Variants in HPSE2 observed in about 807,000 individuals in gnomAD.
HPSE2 encodes inactive heparanase-2.
Under a neutral mutation model 60.5 loss-of-function variants are expected in HPSE2, and 38 were observed. That is an observed-to-expected ratio of 0.63 (90% CI 0.48 to 0.82). The LOEUF (loss-of-function observed/expected upper bound fraction) is 0.82. Among genes scored for constraint, HPSE2 ranks in the 40% least tolerant of loss-of-function variants. HPSE2 has a pLI of 0.00. For missense variants in HPSE2, 713 were observed against 740.4 expected (o/e 0.96, Z 0.43); for synonymous variants, 295 against 293.2 (o/e 1.01, Z -0.06).
chr10:99,174,535 G>A (rs1321975928), intron 2 of HPSE2, among the ~76,000 whole-genome samples: 1 of 152,166 alleles, frequency 6.6e-6, no homozygotes, highest in Non-Finnish European at 1.5e-5. Flanking sequence ...ATCAATACTT[G>A]AGATCAGCCA....
chr10:99,136,785 T>C (rs546922808), intron 3 of HPSE2, among the ~76,000 whole-genome samples: 2 of 152,144 alleles, frequency 1.3e-5, no homozygotes, highest in Non-Finnish European at 2.9e-5. Flanking sequence ...ACCAATATCA[T>C]ACTGAATGGG....
intron 9 of HPSE2, among the ~76,000 whole-genome samples, chr10:98,497,195 G>A (rs11189635): frequency 0.33 from 50,202 of 151,906 alleles, 8,415 homozygotes; most frequent in East Asian, 0.42. Context: ...ATGTCATCAA[G>A]AGGTTCTTGG....
At chr10:98,485,242 T>C (rs910486403) in intron 10 of HPSE2, among the ~76,000 whole-genome samples, 3 of 152,220 alleles carry the variant, frequency 2.0e-5, no homozygotes, top group Admixed American at 6.5e-5. Flanking sequence ...TTCTGGGATA[T>C]TTGGCAGATG....
intron 3 of HPSE2, among the ~76,000 whole-genome samples, chr10:98,764,872 A>C (rs1048604661): frequency 6.6e-6 from 1 of 152,144 alleles, no homozygotes; most frequent in Non-Finnish European, 1.5e-5. Context: ...GTCATAAAAA[A>C]CAAACAAACA....
At chr10:98,486,008 G>A (rs1460260425) in intron 10 of HPSE2, among the ~76,000 whole-genome samples, 6 of 152,134 alleles carry the variant, frequency 3.9e-5, no homozygotes, top group Admixed American at 3.3e-4. Context: ...CACTTACATA[G>A]TTCCCCTGGG....
intron 3 of HPSE2, among the ~76,000 whole-genome samples, chr10:98,796,117 A>T (rs1387395894): frequency 1.3e-5 from 2 of 151,330 alleles, no homozygotes; most frequent in African/African-American, 4.9e-5. Flanking sequence ...ACAGTGAAAG[A>T]CTCCTTGTGT....
chr10:98,658,736 G>A (rs1012645830), intron 6 of HPSE2, among the ~76,000 whole-genome samples: 4 of 152,078 alleles, frequency 2.6e-5, no homozygotes, highest in African/African-American at 9.7e-5. Flanking sequence ...AAAGAAAAAA[G>A]ACATTACTTT....
At chr10:98,879,090 C>G (rs1290199071) in intron 3 of HPSE2, among the ~76,000 whole-genome samples, 1 of 152,016 alleles carries the variant, frequency 6.6e-6, no homozygotes, top group African/African-American at 2.4e-5. Context: ...TAACATTACA[C>G]TTGACATGCC....
rs199776579 is a variant in HPSE2, at chr10:98,503,219, AG to A, written c.1321-13024del. ...AACAGCAAGACTCCATCAGAAAAAA[AG>A]AAAAAGAAAAAAAGAAAAAAAGAAA... On this transcript the variant is annotated intron_variant, in intron 9 of 11. Coordinates refer to ENST00000370552, the MANE Select transcript of HPSE2 (RefSeq NM_021828.5). Among the ~76,000 whole-genome samples the A allele has an allele frequency of 9.4e-3, 804 of 85,258 alleles. 9 individuals are homozygous for A. Among genetic ancestry groups the A allele is most frequent in the Non-Finnish European group, 0.015 (596 of 40,914 alleles). 55.9% of individuals were successfully genotyped at this position (85,258 alleles called of 152,430 possible). A position where few individuals can be genotyped will look rare whatever the true frequency, so the allele number is the denominator to read the frequency against.
intron 4 of HPSE2, among the ~76,000 whole-genome samples, chr10:98,741,080 C>T (rs1949484759): frequency 2.6e-5 from 4 of 151,840 alleles, no homozygotes. Flanking sequence ...GATTATTTAT[C>T]ATTAATAATC....
chr10:98,629,639 C>T (rs1946308641), intron 7 of HPSE2, among the ~76,000 whole-genome samples: 1 of 152,162 alleles, frequency 6.6e-6, no homozygotes, highest in African/African-American at 2.4e-5. Flanking sequence ...CTAATCTTTT[C>T]CTCTTCTAGT....
intron 3 of HPSE2, among the ~76,000 whole-genome samples, chr10:99,065,568 T>C (rs781449509): frequency 4.6e-5 from 7 of 152,106 alleles, no homozygotes; most frequent in Non-Finnish European, 1.0e-4. Flanking sequence ...TCAGAGAACA[T>C]GGAAAACAGA....
At chr10:99,285,396 C>T in the HPSE2 span, among the ~76,000 whole-genome samples, 9 of 149,542 alleles carry the variant, frequency 6.0e-5, no homozygotes, top group Non-Finnish European at 1.3e-4. Flanking sequence ...TGCCACTGCA[C>T]TCCAGCCTGG....
intron 9 of HPSE2, among the ~76,000 whole-genome samples, chr10:98,558,153 G>A (rs536901): frequency 0.85 from 129,515 of 152,098 alleles, 56,349 homozygotes; most frequent in East Asian, 1. Context: ...AGGCTGTGGA[G>A]AAACCAAAAT....
At chr10:98,641,970 A>G in intron 6 of HPSE2, 30 bp from the exon 7 acceptor site, 1 of 1,569,090 alleles carries the variant, frequency 6.4e-7, no homozygotes, top group Non-Finnish European at 8.8e-7. Flanking sequence ...AGAATCAGAT[A>G]AAATCTCAAG....
At chr10:98,837,701 C>G (rs531352062) in intron 3 of HPSE2, among the ~76,000 whole-genome samples, 69 of 151,114 alleles carry the variant, frequency 4.6e-4, no homozygotes, top group African/African-American at 1.7e-3. Flanking sequence ...GGTGAAACTC[C>G]GTCTCTACTA....
chr10:99,186,458 G>A (rs990655598), intron 2 of HPSE2, among the ~76,000 whole-genome samples: 8 of 133,794 alleles, frequency 6.0e-5, no homozygotes, highest in African/African-American at 1.1e-4. Context: ...TAGAAGAATC[G>A]TTTGAACCCG....
intron 3 of HPSE2, among the ~76,000 whole-genome samples, chr10:98,886,469 C>T (rs2134906848): frequency 6.6e-6 from 1 of 152,064 alleles, no homozygotes. Context: ...AATGTCTAGC[C>T]AGGAATTAAA....
At chr10:98,490,823 C>CT (rs2133680320) in intron 9 of HPSE2, among the ~76,000 whole-genome samples, 1 of 152,274 alleles carries the variant, frequency 6.6e-6, no homozygotes, top group South Asian at 2.1e-4. Flanking sequence ...TAATTCTAAA[C>CT]TAAAAAGAAT....
Sources: allele counts gnomAD v4.1 joint callset (sites outside exome capture counted in the v4.1 genomes callset), GRCh38; gene constraint gnomAD v4.1.1; transcripts MANE v1.5; gene names NCBI Gene and HGNC (gene_info 2026-07-23, HGNC 2026-07-21).